FOXP2: variants seen among roughly 807,000 people sequenced by gnomAD.
The protein encoded by FOXP2 is forkhead box P2, also known as forkhead box protein P2.
Under a neutral mutation model 115.8 loss-of-function variants are expected in FOXP2, and 12 were observed. The ratio of observed to expected loss-of-function variants is 0.10; its 90% CI spans 0.07 to 0.17. The LOEUF (loss-of-function observed/expected upper bound fraction) is 0.17. Ranked by LOEUF, FOXP2 falls within the 10% of genes least tolerant of loss-of-function variation. The probability of loss-of-function intolerance (pLI) is 1.00; values close to 1 mark genes in which losing one functional copy is unlikely to be tolerated. For synonymous variants in FOXP2, 328 were observed against 297.7 expected (o/e 1.10, Z -1.05); for missense variants, 629 against 843.5 (o/e 0.75, Z 3.15).
intron 3 of FOXP2, among the ~76,000 whole-genome samples, chr7:114,567,589 T>C (rs1801089035): frequency 6.6e-6 from 1 of 152,112 alleles, no homozygotes; most frequent in African/African-American, 2.4e-5. Context: ...CTTAAAAGAT[T>C]CTTTGGTGCT....
intron 2 of FOXP2, among the ~76,000 whole-genome samples, chr7:114,467,960 T>G (rs776920345): frequency 6.6e-6 from 1 of 152,146 alleles, no homozygotes; most frequent in African/African-American, 2.4e-5. Context: ...ATTCATTAAA[T>G]GCTACTCGTC....
rs1414758450 is a variant in FOXP2, at chr7:114,370,841, G to T, written c.-10-55661G>T. Among the ~76,000 whole-genome samples the T allele has an allele frequency of 2.6e-5, 4 of 152,258 alleles. No homozygotes were observed. The East Asian group carries it at 7.7e-4, about 29-fold the overall frequency. ...TAGTAATTAAGTTTTAAATAGAACA[G>T]GTTTCTCAGTCAAAGAAATAATATA... On this transcript the variant is annotated intron_variant, in intron 2 of 17. Transcript: ENST00000634411.
intron 1 of FOXP2, among the ~76,000 whole-genome samples, chr7:114,277,153 T>C (rs766744335): frequency 3.3e-5 from 5 of 152,182 alleles, no homozygotes; most frequent in South Asian, 2.1e-4. Flanking sequence ...AGGACTGATA[T>C]TGGGTGATGA....
intron 1 of FOXP2, among the ~76,000 whole-genome samples, chr7:114,250,932 T>A (rs1305479884): frequency 6.6e-6 from 1 of 152,220 alleles, no homozygotes; most frequent in African/African-American, 2.4e-5. Flanking sequence ...TGGTTTTAAG[T>A]CTAACATTTA....
At chr7:114,172,191 A>G (rs1793163348) in intron 1 of FOXP2, among the ~76,000 whole-genome samples, 2 of 152,228 alleles carry the variant, frequency 1.3e-5, no homozygotes, top group South Asian at 4.1e-4. Context: ...TAACTTTTAT[A>G]TGCACTGAAA....
chr7:114,328,237 T>C (rs997597180), intron 2 of FOXP2, among the ~76,000 whole-genome samples: 11 of 140,820 alleles, frequency 7.8e-5, no homozygotes, highest in East Asian at 4.0e-4. Flanking sequence ...TCTTTTCTTT[T>C]TTTTTTTTTT....
intron 2 of FOXP2, among the ~76,000 whole-genome samples, chr7:114,503,584 T>C (rs1797663733): frequency 6.6e-6 from 1 of 150,914 alleles, no homozygotes. Context: ...CTTGTTTTAA[T>C]ATAATTTATT....
At chr7:114,540,324 A>G (rs1799593232) in intron 3 of FOXP2, among the ~76,000 whole-genome samples, 3 of 152,098 alleles carry the variant, frequency 2.0e-5, no homozygotes, top group Admixed American at 2.0e-4. Flanking sequence ...GACAGCAGGA[A>G]TCATGAATTC....
At chr7:114,652,378 C>A in intron 9 of FOXP2, 88 bp downstream of exon 9, 1 of 1,137,094 alleles carries the variant, frequency 8.8e-7, no homozygotes. Context: ...TTTCAGCCTG[C>A]ATTTTACTGT....
At chr7:114,596,783 T>C (rs544669014) in intron 3 of FOXP2, among the ~76,000 whole-genome samples, 1 of 152,210 alleles carries the variant, frequency 6.6e-6, no homozygotes, top group East Asian at 1.9e-4. Context: ...ATTAGGATGA[T>C]ATTCTTAGTC....
At chr7:114,578,445 A>C (rs1801681702) in intron 3 of FOXP2, among the ~76,000 whole-genome samples, 1 of 152,092 alleles carries the variant, frequency 6.6e-6, no homozygotes, top group African/African-American at 2.4e-5. Context: ...ACAATTGAAA[A>C]AAAGTGTTAA....
chr7:114,336,637 A>C (rs545772945), intron 2 of FOXP2, among the ~76,000 whole-genome samples: 1 of 151,574 alleles, frequency 6.6e-6, no homozygotes, highest in African/African-American at 2.4e-5. Flanking sequence ...GACAGTTTGC[A>C]TAATACTTTT....
chr7:114,654,436 T>C (rs1448494480), intron 10 of FOXP2, among the ~76,000 whole-genome samples: 1 of 152,218 alleles, frequency 6.6e-6, no homozygotes, highest in Non-Finnish European at 1.5e-5. Flanking sequence ...TTATCAAATA[T>C]TTTGTCATAA....
At chr7:114,195,648 A>AT (rs982536726) in intron 1 of FOXP2, among the ~76,000 whole-genome samples, 4 of 151,782 alleles carry the variant, frequency 2.6e-5, no homozygotes, top group Non-Finnish European at 5.9e-5. Context: ...AAATTCATAT[A>AT]TTTTTTTCTG....
intron 1 of FOXP2, among the ~76,000 whole-genome samples, chr7:114,264,321 T>TG (rs1459808279): frequency 6.6e-6 from 1 of 151,990 alleles, no homozygotes; most frequent in African/African-American, 2.4e-5. Flanking sequence ...AGTTTTTTCA[T>TG]GGGGGGCAGG....
chr7:114,155,023 C>T (rs1326745313), intron 1 of FOXP2, among the ~76,000 whole-genome samples: 1 of 152,070 alleles, frequency 6.6e-6, no homozygotes, highest in Non-Finnish European at 1.5e-5. Context: ...CCTAAAATAA[C>T]TCATGTAAGT....
chr7:114,443,629 T>C (rs186607027), intron 2 of FOXP2, among the ~76,000 whole-genome samples: 83 of 152,292 alleles, frequency 5.5e-4, no homozygotes, highest in African/African-American at 2.0e-3. Context: ...TTTGTCCATA[T>C]GTACTCAGTG....
chr7:114,125,084 C>T (rs564718236), intron 1 of FOXP2, among the ~76,000 whole-genome samples: 4 of 152,242 alleles, frequency 2.6e-5, no homozygotes, highest in Admixed American at 1.3e-4. Context: ...CATGGAATTA[C>T]AGACTCAGCC....
intron 1 of FOXP2, among the ~76,000 whole-genome samples, chr7:114,126,115 T>A (rs780540380): frequency 1.3e-5 from 2 of 152,068 alleles, no homozygotes; most frequent in Non-Finnish European, 2.9e-5. Flanking sequence ...AATAGATAAT[T>A]AAAATGCAAG....
Sources: allele counts gnomAD v4.1 joint callset (sites outside exome capture counted in the v4.1 genomes callset), GRCh38; gene constraint gnomAD v4.1.1; transcripts MANE v1.5; gene names NCBI Gene and HGNC (gene_info 2026-07-23, HGNC 2026-07-21).